Variants in WWOX observed in about 807,000 individuals in gnomAD.
The protein encoded by WWOX is WW domain containing oxidoreductase.
A neutral mutation model predicts 46.2 loss-of-function variants in WWOX; 69 were observed. That is an observed-to-expected ratio of 1.49 (90% CI 1.23 to 1.82). The LOEUF (loss-of-function observed/expected upper bound fraction) is 1.82, where lower values mean the gene tolerates loss of function less well. Among genes scored for constraint, WWOX ranks in the 40% most tolerant of loss-of-function variants. The pLI is 0.00. For missense variants in WWOX, 919 were observed against 542.6 expected (o/e 1.69, Z -6.89); for synonymous variants, 359 against 202.6 (o/e 1.77, Z -6.56).
chr16:78,824,986 G>T (rs1366410548), intron 8 of WWOX, among the ~76,000 whole-genome samples: 1 of 152,140 alleles, frequency 6.6e-6, no homozygotes, highest in Non-Finnish European at 1.5e-5. Flanking sequence ...GAAAATGGCA[G>T]CGTTATAGCC....
At chr16:79,107,580 C>G (rs1457774527) in intron 8 of WWOX, among the ~76,000 whole-genome samples, 1 of 152,186 alleles carries the variant, frequency 6.6e-6, no homozygotes, top group Non-Finnish European at 1.5e-5. Flanking sequence ...ACTTAGCAGC[C>G]TGATTTTTCT....
intron 8 of WWOX, among the ~76,000 whole-genome samples, chr16:78,485,376 A>T (rs2667576): frequency 6.6e-6 from 1 of 151,700 alleles, no homozygotes; most frequent in Admixed American, 6.6e-5. Context: ...CTCCCTAAGG[A>T]ACCCTGTTTT....
chr16:78,819,897 C>T (rs573850115), intron 8 of WWOX, among the ~76,000 whole-genome samples: 52 of 152,240 alleles, frequency 3.4e-4, no homozygotes, highest in Non-Finnish European at 6.6e-4. Flanking sequence ...TTCTGAGTCT[C>T]CTCCTTCCTA....
At chr16:78,887,139 C>G (rs1395405668) in intron 8 of WWOX, among the ~76,000 whole-genome samples, 4 of 123,688 alleles carry the variant, frequency 3.2e-5, no homozygotes, top group Admixed American at 8.4e-5. Context: ...TGTGTGTATA[C>G]CTAGTCTAGG....
chr16:79,090,825 C>T (rs2048944710), intron 8 of WWOX, among the ~76,000 whole-genome samples: 1 of 152,098 alleles, frequency 6.6e-6, no homozygotes, highest in South Asian at 2.1e-4. Context: ...TTTTGTTTTT[C>T]TTTTTTTGAG....
intron 4 of WWOX, among the ~76,000 whole-genome samples, chr16:78,144,786 G>T (rs986483429): frequency 6.6e-6 from 1 of 151,666 alleles, no homozygotes; most frequent in African/African-American, 2.4e-5. Context: ...CTACCAAAGT[G>T]CTGGGATTAC....
At chr16:78,876,836 C>A (rs182453877) in intron 8 of WWOX, among the ~76,000 whole-genome samples, 1 of 152,168 alleles carries the variant, frequency 6.6e-6, no homozygotes, top group African/African-American at 2.4e-5. Context: ...ATCTTAACAG[C>A]TTGGCAAACC....
intron 8 of WWOX, among the ~76,000 whole-genome samples, chr16:78,643,714 C>G (rs1375552205): frequency 1.3e-5 from 2 of 151,778 alleles, no homozygotes; most frequent in Non-Finnish European, 2.9e-5. Context: ...TCCTTACCTT[C>G]TAGGAACTGA....
chr16:78,214,400 C>G (rs543412842), intron 5 of WWOX, among the ~76,000 whole-genome samples: 1 of 152,268 alleles, frequency 6.6e-6, no homozygotes, highest in South Asian at 2.1e-4. Context: ...TGATAAACCA[C>G]CAAGCAACAG....
At chr16:78,992,308 CAA>C (rs5818196) in intron 8 of WWOX, among the ~76,000 whole-genome samples, 1 of 151,850 alleles carries the variant, frequency 6.6e-6, no homozygotes, top group Non-Finnish European at 1.5e-5. Flanking sequence ...ACTAAAAATA[CAA>C]AAAAAAATTA....
chr16:78,741,062 C>T (rs1161426785), intron 8 of WWOX, among the ~76,000 whole-genome samples: 5 of 152,172 alleles, frequency 3.3e-5, no homozygotes, highest in Non-Finnish European at 7.3e-5. Flanking sequence ...GTCCAGCCAG[C>T]CACTCGTTTT....
chr16:78,740,337 T>G (rs1207034564), intron 8 of WWOX, among the ~76,000 whole-genome samples: 2 of 152,166 alleles, frequency 1.3e-5, no homozygotes, highest in Non-Finnish European at 2.9e-5. Context: ...GAGAGTTAAA[T>G]CAAGCAGCCT....
At chr16:78,400,846 A>G (rs1349517404) in intron 6 of WWOX, among the ~76,000 whole-genome samples, 1 of 152,220 alleles carries the variant, frequency 6.6e-6, no homozygotes, top group East Asian at 1.9e-4. Flanking sequence ...TGTTTCTGAG[A>G]TAGGGCTGGC....
intron 8 of WWOX, among the ~76,000 whole-genome samples, chr16:78,453,997 T>A (rs1012338644): frequency 6.6e-6 from 1 of 152,212 alleles, no homozygotes; most frequent in African/African-American, 2.4e-5. Context: ...TTTGTTGTCA[T>A]TGAGTTTTTG....
chr16:78,827,818 G>A (rs2051704510), intron 8 of WWOX, among the ~76,000 whole-genome samples: 1 of 152,190 alleles, frequency 6.6e-6, no homozygotes, highest in Non-Finnish European at 1.5e-5. Context: ...TCTAGCCTGG[G>A]CGGCAAGCAA....
chr16:78,318,869 G>A (rs943234283), intron 5 of WWOX, among the ~76,000 whole-genome samples: 4 of 152,118 alleles, frequency 2.6e-5, no homozygotes, highest in Admixed American at 1.3e-4. Context: ...ACATGCCTGG[G>A]TACAATGTGA....
At chr16:78,703,634 TG>T (rs764987623) in intron 8 of WWOX, among the ~76,000 whole-genome samples, 1 of 151,948 alleles carries the variant, frequency 6.6e-6, no homozygotes, top group East Asian at 1.9e-4. Flanking sequence ...TGTTTTTTTT[TG>T]TTTGTTTGTT....
intron 8 of WWOX, among the ~76,000 whole-genome samples, chr16:79,178,210 C>G: frequency 6.6e-6 from 1 of 152,144 alleles, no homozygotes; most frequent in East Asian, 1.9e-4. Flanking sequence ...GGACAATACA[C>G]AAATGAACAA....
At chr16:78,720,501 G>A (rs2048664366) in intron 8 of WWOX, among the ~76,000 whole-genome samples, 1 of 143,850 alleles carries the variant, frequency 7.0e-6, no homozygotes, top group Non-Finnish European at 1.5e-5. Flanking sequence ...CTTTTCTTCT[G>A]GAAAAAATCC....
Sources: allele counts gnomAD v4.1 joint callset (sites outside exome capture counted in the v4.1 genomes callset), GRCh38; gene constraint gnomAD v4.1.1; transcripts MANE v1.5; gene names NCBI Gene and HGNC (gene_info 2026-07-23, HGNC 2026-07-21).